Variants in LMBR1 observed in about 807,000 individuals in gnomAD.
The protein encoded by LMBR1 is limb development membrane protein 1.
LMBR1 carries 52 observed loss-of-function variants against 73.9 expected under a neutral mutation model. The observed-to-expected ratio is 0.70, with a 90% CI of 0.56 to 0.89. The LOEUF (loss-of-function observed/expected upper bound fraction) is 0.89. Among genes scored for constraint, LMBR1 ranks in the 40% least tolerant of loss-of-function variants. The pLI, the probability that LMBR1 is intolerant of heterozygous loss-of-function variation, is 0.00. For missense variants in LMBR1, 539 were observed against 579.8 expected (o/e 0.93, Z 0.72); for synonymous variants, 215 against 209.4 (o/e 1.03, Z -0.23).
intron 5 of LMBR1, among the ~76,000 whole-genome samples, chr7:156,794,217 G>A (rs1829709036): frequency 6.6e-6 from 1 of 152,168 alleles, no homozygotes; most frequent in South Asian, 2.1e-4. Flanking sequence ...GGTGACCCTC[G>A]AGTGATTTTT....
At chr7:156,745,296 T>C (rs1011347742) in intron 9 of LMBR1, among the ~76,000 whole-genome samples, 1 of 152,212 alleles carries the variant, frequency 6.6e-6, no homozygotes, top group African/African-American at 2.4e-5. Flanking sequence ...CTCCCATTAA[T>C]TGTTAACTCA....
intron 9 of LMBR1, among the ~76,000 whole-genome samples, chr7:156,739,015 G>T (rs1818410403): frequency 2.6e-5 from 4 of 152,154 alleles, no homozygotes; most frequent in Admixed American, 2.6e-4. Context: ...AGAGTATCAG[G>T]TGGGCTCTTG....
At chr7:156,812,544 T>A (rs1441122716) in intron 4 of LMBR1, among the ~76,000 whole-genome samples, 1 of 152,100 alleles carries the variant, frequency 6.6e-6, no homozygotes, top group Non-Finnish European at 1.5e-5. Flanking sequence ...AGGGCCTCAG[T>A]CCTAAAACTA....
At chr7:156,885,303 G>A (rs1403756067) in intron 1 of LMBR1, among the ~76,000 whole-genome samples, 1 of 151,600 alleles carries the variant, frequency 6.6e-6, no homozygotes, top group African/African-American at 2.4e-5. Context: ...CAGTGAGCCA[G>A]GATCGCTCCA....
At chr7:156,850,625 C>A (rs1005652981) in intron 1 of LMBR1, among the ~76,000 whole-genome samples, 3 of 151,920 alleles carry the variant, frequency 2.0e-5, no homozygotes, top group African/African-American at 7.3e-5. Context: ...ATAGTTCTTT[C>A]CTCCAGACAT....
At chr7:156,878,165 C>T (rs1378781158) in intron 1 of LMBR1, among the ~76,000 whole-genome samples, 1 of 152,160 alleles carries the variant, frequency 6.6e-6, no homozygotes, top group Non-Finnish European at 1.5e-5. Flanking sequence ...CCCACTCTCA[C>T]CACTTCTATT....
intron 4 of LMBR1, among the ~76,000 whole-genome samples, chr7:156,807,379 T>C (rs756457389): frequency 1.3e-5 from 2 of 152,198 alleles, no homozygotes; most frequent in Non-Finnish European, 2.9e-5. Context: ...AGAATGTTTC[T>C]AACATTCCCA....
rs1427653790 is a variant in LMBR1, at chr7:156,680,369, T to TGAGAGAGAGA, written c.*3708_*3709insTCTCTCTCTC. 2.3e-3 allele frequency: 180 copies of TGAGAGAGAGA among 77,242 alleles called. No homozygotes were observed. Among genetic ancestry groups the TGAGAGAGAGA allele is most frequent in the Non-Finnish European group, 3.9e-3 (146 of 37,424 alleles). 4.8% of individuals were successfully genotyped at this position (77,242 alleles called of 1,614,324 possible). A position where few individuals can be genotyped will look rare whatever the true frequency, so the allele number is the denominator to read the frequency against. Reference sequence around the variant, plus strand: ...TGTTAAATTTTTGCTTATACGTATCTGAGAGACAGAGAGAGAGAGAGAGAG... The same window carrying TGAGAGAGAGA: ...TGTTAAATTTTTGCTTATACGTATCTGAGAGAGAGAGAGAGACAGAGAGAGAGAGAGAGAG... On this transcript the variant is annotated 3_prime_UTR_variant, in exon 17 of 17. Transcript: ENST00000353442.
chr7:156,840,979 A>AAG (rs1838602945), intron 1 of LMBR1, among the ~76,000 whole-genome samples: 1 of 148,548 alleles, frequency 6.7e-6, no homozygotes, highest in Non-Finnish European at 1.5e-5. Context: ...AAAAAAAAAA[A>AAG]AAAAAGAAAA....
chr7:156,690,496 C>T (rs1488186945), intron 15 of LMBR1, among the ~76,000 whole-genome samples: 2 of 152,092 alleles, frequency 1.3e-5, no homozygotes, highest in African/African-American at 2.4e-5. Flanking sequence ...TGCATCATCA[C>T]GGTAAGAATG....
chr7:156,827,409 T>C (rs1400869090), intron 3 of LMBR1, among the ~76,000 whole-genome samples: 1 of 151,992 alleles, frequency 6.6e-6, no homozygotes, highest in African/African-American at 2.4e-5. Flanking sequence ...GCATGGACAA[T>C]AAATGTAAAA....
chr7:156,688,101 G>A lies in LMBR1; in HGVS notation c.1316C>T (p.Ala439Val). Residue 439 changes from alanine (A) to valine (V), a missense_variant, in exon 16 of 17, where the codon GCT becomes GTT. Transcript: ENST00000353442. ...GACCAGACACAATGTTGTCACAATA[G>A]CAAAAAGCAAATTGTAGGATAATAC... Reference protein sequence around the residue: ...YIVLSYNLLFAIVTTLCLVRK... With the variant: ...YIVLSYNLLFVIVTTLCLVRK... The A allele has an allele frequency of 6.2e-7, 1 of 1,612,528 alleles. No individual in the cohort carries two copies. Among genetic ancestry groups the A allele is most frequent in the Non-Finnish European group, 8.5e-7 (1 of 1,179,392 alleles).
intron 4 of LMBR1, among the ~76,000 whole-genome samples, chr7:156,800,679 A>G (rs574337261): frequency 6.6e-5 from 10 of 152,280 alleles, no homozygotes; most frequent in Admixed American, 6.5e-4. Flanking sequence ...ACATTCTGTA[A>G]GGCTATACCT....
chr7:156,771,993 C>T (rs1012570921), intron 5 of LMBR1, among the ~76,000 whole-genome samples: 1 of 152,090 alleles, frequency 6.6e-6, no homozygotes, highest in African/African-American at 2.4e-5. Context: ...ACCACATGAT[C>T]AGCCAGGCGT....
intron 4 of LMBR1, among the ~76,000 whole-genome samples, chr7:156,810,239 G>A (rs1345191623): frequency 1.3e-5 from 2 of 152,236 alleles, no homozygotes; most frequent in South Asian, 2.1e-4. Flanking sequence ...GCAATGGAGA[G>A]GGGGTTGTGC....
chr7:156,855,723 G>A (rs1344409595), intron 1 of LMBR1, among the ~76,000 whole-genome samples: 1 of 142,326 alleles, frequency 7.0e-6, no homozygotes, highest in Non-Finnish European at 1.5e-5. Flanking sequence ...GCAAGCTGCA[G>A]AAAATCAAAG....
intron 5 of LMBR1, among the ~76,000 whole-genome samples, chr7:156,795,847 C>T (rs1252657587): frequency 6.6e-6 from 1 of 152,166 alleles, no homozygotes; most frequent in African/African-American, 2.4e-5. Flanking sequence ...CCACTGCACC[C>T]GGCCATTGAC....
downstream of LMBR1, among the ~76,000 whole-genome samples, chr7:156,672,791 G>T (rs964613377): frequency 6.6e-6 from 1 of 152,202 alleles, no homozygotes; most frequent in Non-Finnish European, 1.5e-5. Flanking sequence ...GAAAGCGCAC[G>T]CACAGCGATA....
intron 3 of LMBR1, 28 bp downstream of exon 3, chr7:156,833,725 C>T: frequency 6.4e-7 from 1 of 1,561,286 alleles, no homozygotes; most frequent in Non-Finnish European, 8.7e-7. Flanking sequence ...GAATCAGAAA[C>T]AGAACAACTG....
Sources: gnomAD v4.1 joint callset for allele counts (sites outside exome capture counted in the v4.1 genomes callset) on GRCh38, gnomAD v4.1.1 for gene constraint, MANE v1.5 for transcripts, NCBI Gene and HGNC (gene_info 2026-07-23, HGNC 2026-07-21) for gene names.